HERC3: variants seen among roughly 807,000 people sequenced by gnomAD.
HERC3 encodes the protein probable E3 ubiquitin-protein ligase HERC3.
In HERC3, 58 loss-of-function variants were observed where a neutral mutation model predicts 129.9. The observed-to-expected ratio is 0.45, with a 90% CI of 0.36 to 0.56. The LOEUF is 0.56. Ranked by LOEUF, HERC3 falls within the 20% of genes least tolerant of loss-of-function variation. The pLI is 0.00. For synonymous variants in HERC3, 430 were observed against 451.0 expected (o/e 0.95, Z 0.59); for missense variants, 835 against 1,244.2 (o/e 0.67, Z 4.95).
intron 3 of HERC3, among the ~76,000 whole-genome samples, chr4:88,646,182 G>C (rs1728671055): frequency 6.6e-6 from 1 of 152,090 alleles, no homozygotes; most frequent in African/African-American, 2.4e-5. Context: ...TGCCTTACAG[G>C]GTTGTTGCAA....
intron 23 of HERC3, among the ~76,000 whole-genome samples, chr4:88,694,181 C>T (rs1339973364): frequency 1.3e-5 from 2 of 152,296 alleles, no homozygotes; most frequent in African/African-American, 4.8e-5. Flanking sequence ...GCCAGAGCCC[C>T]GGCTCACCTA....
At chr4:88,593,146 A>C (rs1721920675) in intron 1 of HERC3, 1 of 152,026 alleles carries the variant, frequency 6.6e-6, no homozygotes, top group Non-Finnish European at 1.5e-5. Flanking sequence ...CAGCGCCGGC[A>C]GGGCTGCGGG....
intron 19 of HERC3, among the ~76,000 whole-genome samples, chr4:88,678,916 T>C (rs1422602820): frequency 6.6e-6 from 1 of 152,230 alleles, no homozygotes; most frequent in Admixed American, 6.5e-5. Context: ...ACAGCTTTTC[T>C]TTTTGCCCTG....
the HERC3 span, among the ~76,000 whole-genome samples, chr4:88,582,688 CT>C: frequency 6.6e-6 from 1 of 152,178 alleles, no homozygotes; most frequent in Admixed American, 6.5e-5. Flanking sequence ...TGCTCTGGAA[CT>C]TTTTTATTAA....
chr4:88,579,226 A>ATATATATATATATATATATAT, the HERC3 span, among the ~76,000 whole-genome samples: 48 of 93,944 alleles, frequency 5.1e-4, 1 homozygote, highest in African/African-American at 4.4e-3. Context: ...TACTAAAAAA[A>ATATATATATATATATATATAT]AAAAAAATAT....
chr4:88,636,001 A>C (rs1394309778), intron 3 of HERC3, among the ~76,000 whole-genome samples: 3 of 152,226 alleles, frequency 2.0e-5, no homozygotes, highest in Admixed American at 6.5e-5. Flanking sequence ...TGAAGGAAGC[A>C]CTAAATATGG....
chr4:88,606,789 A>G (rs1723694423), intron 3 of HERC3, among the ~76,000 whole-genome samples: 1 of 152,106 alleles, frequency 6.6e-6, no homozygotes, highest in Non-Finnish European at 1.5e-5. Context: ...TTTACCTCCC[A>G]CTGGATCCCT....
Position 88,610,487 on chromosome 4 carries a change from C to G in HERC3, c.226+4438C>G, listed in dbSNP as rs1724192151. ...AAAAAAAAAAGAACGCCTTACCCGT[C>G]TGGGAATACAGCCTAGTAGGTTTCA... On this transcript the variant is annotated intron_variant, in intron 3 of 25. Coordinates refer to ENST00000402738, the MANE Select transcript of HERC3 (RefSeq NM_014606.3). Among the ~76,000 whole-genome samples the G allele has an allele frequency of 2.0e-5, 3 of 151,392 alleles. No homozygotes were observed. In the South Asian group the frequency reaches 6.2e-4, roughly 32 times the overall value.
the HERC3 span, among the ~76,000 whole-genome samples, chr4:88,566,009 G>A: frequency 2.6e-5 from 4 of 151,926 alleles, no homozygotes; most frequent in Non-Finnish European, 1.5e-5. Context: ...AGGGGTACAA[G>A]TGTAGGTTTG....
intron 3 of HERC3, among the ~76,000 whole-genome samples, chr4:88,627,171 T>C (rs1726191737): frequency 1.3e-5 from 2 of 152,164 alleles, no homozygotes. Flanking sequence ...GAGAAGTACG[T>C]AGTTTAATAT....
At chr4:88,615,192 A>G (rs1250060175) in intron 3 of HERC3, among the ~76,000 whole-genome samples, 2 of 152,106 alleles carry the variant, frequency 1.3e-5, no homozygotes, top group Middle Eastern at 3.4e-3. Flanking sequence ...TACAATAGCA[A>G]TTTTTTAGTT....
At chr4:88,656,146 A>G in intron 9 of HERC3, 111 bp downstream of exon 9, 1 of 1,035,456 alleles carries the variant, frequency 9.7e-7, no homozygotes. Flanking sequence ...AATGAAGATA[A>G]GGTATTTTTT....
chr4:88,635,114 C>A (rs1181800840), intron 3 of HERC3, among the ~76,000 whole-genome samples: 1 of 151,934 alleles, frequency 6.6e-6, no homozygotes, highest in African/African-American at 2.4e-5. Context: ...GATCGCAACA[C>A]CTCTCCAGCA....
chr4:88,584,069 T>C, the HERC3 span: 2 of 152,164 alleles, frequency 1.3e-5, no homozygotes, highest in East Asian at 1.9e-4. Flanking sequence ...CTTAACACAA[T>C]AGGAATTTAT....
intron 21 of HERC3, among the ~76,000 whole-genome samples, chr4:88,686,077 T>C (rs1410995671): frequency 6.6e-6 from 1 of 152,166 alleles, no homozygotes; most frequent in Non-Finnish European, 1.5e-5. Flanking sequence ...TATGGACACA[T>C]TTGGCAGCTT....
At chr4:88,536,029 A>C in the HERC3 span, among the ~76,000 whole-genome samples, 2 of 152,170 alleles carry the variant, frequency 1.3e-5, no homozygotes, top group Non-Finnish European at 1.5e-5. Context: ...CTTGCTTTGC[A>C]TGTAATAGTT....
the HERC3 span, among the ~76,000 whole-genome samples, chr4:88,531,566 G>T: frequency 5.3e-5 from 8 of 152,218 alleles, no homozygotes; most frequent in Middle Eastern, 3.4e-3. Context: ...TGAAATCTGT[G>T]GCAGCTGTTG....
chr4:88,568,131 C>CTG, the HERC3 span, among the ~76,000 whole-genome samples: 4 of 152,202 alleles, frequency 2.6e-5, no homozygotes, highest in Non-Finnish European at 5.9e-5. Flanking sequence ...TTTCCCCAGA[C>CTG]AAACAGAGTC....
chr4:88,543,740 G>C, the HERC3 span, among the ~76,000 whole-genome samples: 629 of 152,258 alleles, frequency 4.1e-3, 4 homozygotes, highest in African/African-American at 0.014. Context: ...CAATGGAACA[G>C]AACAGGGGCC....
Sources: allele counts gnomAD v4.1 joint callset (sites outside exome capture counted in the v4.1 genomes callset), GRCh38; gene constraint gnomAD v4.1.1; transcripts MANE v1.5; gene names NCBI Gene and HGNC (gene_info 2026-07-23, HGNC 2026-07-21).